PARD3B: variants seen among roughly 807,000 people sequenced by gnomAD.
PARD3B encodes the protein par-3 family cell polarity regulator beta.
PARD3B carries 103 observed loss-of-function variants against 130.2 expected under a neutral mutation model. The observed-to-expected ratio is 0.79, with a 90% CI of 0.67 to 0.93. The LOEUF (loss-of-function observed/expected upper bound fraction) is 0.93. PARD3B is among the 40% of genes least tolerant of loss of function. The pLI, the probability that PARD3B is intolerant of heterozygous loss-of-function variation, is 0.00. For synonymous variants in PARD3B, 583 were observed against 553.2 expected, an observed-to-expected ratio of 1.05 and a Z score of -0.76; for missense variants, 1,609 against 1,499.2, an observed-to-expected ratio of 1.07 and a Z score of -1.21.
At chr2:204,953,008 AAAG>A (rs1243371104) in intron 2 of PARD3B, among the ~76,000 whole-genome samples, 2 of 151,010 alleles carry the variant, frequency 1.3e-5, no homozygotes, top group African/African-American at 4.9e-5. Flanking sequence ...AAAAAAAAAA[AAAG>A]GTATATATAT....
intron 21 of PARD3B, among the ~76,000 whole-genome samples, chr2:205,523,660 G>A (rs910976406): frequency 6.6e-6 from 1 of 151,936 alleles, no homozygotes; most frequent in African/African-American, 2.4e-5. Context: ...TTAATATACA[G>A]TTGTGTTTCT....
At chr2:205,538,435 T>C (rs1457712725) in intron 21 of PARD3B, among the ~76,000 whole-genome samples, 1 of 151,834 alleles carries the variant, frequency 6.6e-6, no homozygotes, top group Non-Finnish European at 1.5e-5. Flanking sequence ...CTCTAGGCAT[T>C]GTTTCTGTAA....
intron 2 of PARD3B, among the ~76,000 whole-genome samples, chr2:204,912,879 A>G (rs1316026941): frequency 1.3e-5 from 2 of 152,160 alleles, no homozygotes; most frequent in African/African-American, 2.4e-5. Flanking sequence ...TTCTGTGTTC[A>G]ACTGGCTAAT....
At chr2:205,573,240 C>A (rs2053622028) in intron 22 of PARD3B, among the ~76,000 whole-genome samples, 1 of 152,048 alleles carries the variant, frequency 6.6e-6, no homozygotes, top group Non-Finnish European at 1.5e-5. Context: ...TGGGGAAGGG[C>A]AGGAAGGGAA....
At chr2:205,537,897 T>C (rs1438665908) in intron 21 of PARD3B, among the ~76,000 whole-genome samples, 1 of 152,206 alleles carries the variant, frequency 6.6e-6, no homozygotes, top group East Asian at 1.9e-4. Context: ...AATTAGAGCA[T>C]TGCATTCAGT....
chr2:205,456,840 A>G (rs1331757888), intron 20 of PARD3B, among the ~76,000 whole-genome samples: 1 of 149,580 alleles, frequency 6.7e-6, no homozygotes, highest in Non-Finnish European at 1.5e-5. Context: ...AAATATAATC[A>G]TTTAATAAAT....
At chr2:204,810,228 T>C in intron 2 of PARD3B, among the ~76,000 whole-genome samples, 1 of 152,058 alleles carries the variant, frequency 6.6e-6, no homozygotes, top group East Asian at 1.9e-4. Flanking sequence ...TATTTAGGTA[T>C]GCGTTATTTC....
chr2:204,716,021 C>G (rs1416369130), intron 2 of PARD3B, among the ~76,000 whole-genome samples: 1 of 152,182 alleles, frequency 6.6e-6, no homozygotes, highest in Non-Finnish European at 1.5e-5. Flanking sequence ...GCAGAAAACT[C>G]TTACGCATGC....
At chr2:205,549,273 C>T (rs75857604) in intron 21 of PARD3B, among the ~76,000 whole-genome samples, 4,156 of 152,256 alleles carry the variant, frequency 0.027, 152 homozygotes, top group South Asian at 0.13. Flanking sequence ...TATGATCCAG[C>T]AATCGCCTTC....
intron 1 of PARD3B, among the ~76,000 whole-genome samples, chr2:204,681,397 A>G (rs1044756712): frequency 1.3e-5 from 2 of 152,142 alleles, no homozygotes; most frequent in African/African-American, 4.8e-5. Context: ...TCCGGGTCCC[A>G]TTCTAGTTCT....
chr2:205,059,222 T>C (rs1460923996), intron 4 of PARD3B, among the ~76,000 whole-genome samples: 2 of 152,066 alleles, frequency 1.3e-5, no homozygotes, highest in Admixed American at 1.3e-4. Context: ...GGCACCACTG[T>C]TGAAACTCAT....
At chr2:205,213,811 A>G (rs759450088) in intron 15 of PARD3B, among the ~76,000 whole-genome samples, 1 of 152,166 alleles carries the variant, frequency 6.6e-6, no homozygotes, top group African/African-American at 2.4e-5. Flanking sequence ...CAGGAAATAA[A>G]GAAGGTCAAA....
Position 205,411,600 on chromosome 2 carries a change from G to A in PARD3B, c.2741+10477G>A, listed in dbSNP as rs182776824. On this transcript the variant is annotated intron_variant, in intron 19 of 22. Transcript: ENST00000406610. ...ACCTGCTTTGGGAATTAAAACCCCA[G>A]ATAACCCATACAGTAGCCTTTGGGA... Among the ~76,000 whole-genome samples the A allele has an allele frequency of 7.4e-4, 112 of 152,272 alleles. 1 individual carries two copies. The highest frequency in any genetic ancestry group is 6.8e-3 in the Middle Eastern group (2 of 294).
At chr2:205,548,379 C>A (rs2052468919) in intron 21 of PARD3B, among the ~76,000 whole-genome samples, 1 of 152,044 alleles carries the variant, frequency 6.6e-6, no homozygotes, top group South Asian at 2.1e-4. Flanking sequence ...CTAGATATTC[C>A]CTCCTCCCAC....
In PARD3B at chr2:205,615,606, C is replaced by G. The variant is rs2055402536; in HGVS notation, c.3411C>G (p.Leu1137=). 6.2e-7 allele frequency: 1 copy of G among 1,613,992 alleles called. No individual in the cohort carries two copies. Among genetic ancestry groups the G allele is most frequent in the Non-Finnish European group, 8.5e-7 (1 of 1,179,990 alleles). Residue 1137 remains leucine (L), a synonymous_variant, in exon 23 of 23, where the codon CTC becomes CTG. Coordinates refer to ENST00000406610, the MANE Select transcript of PARD3B (RefSeq NM_001302769.2). ...PRPTELRVAD[L]RYPQHYPPPP... Reference sequence around the variant, plus strand: ...CCACAGAGCTCAGGGTGGCAGATCTCCGGTATCCTCAGCACTACCCACCCC... The same window carrying G: ...CCACAGAGCTCAGGGTGGCAGATCTGCGGTATCCTCAGCACTACCCACCCC...
At chr2:205,043,849 A>G (rs940298433) in intron 3 of PARD3B, among the ~76,000 whole-genome samples, 11 of 151,772 alleles carry the variant, frequency 7.2e-5, no homozygotes, top group Non-Finnish European at 1.5e-4. Context: ...GTACATGTGC[A>G]CAATGTGCAG....
In PARD3B at chr2:204,545,855, G is replaced by A; in HGVS notation, c.-145G>A. ...GGCCAGGTGGAAGGGGCGCTGCCGCGAGCCTCCGGGCCTCAGGGTGTTCCG... is the reference window on the plus strand; with the variant it reads ...GGCCAGGTGGAAGGGGCGCTGCCGCAAGCCTCCGGGCCTCAGGGTGTTCCG... On this transcript the variant is annotated 5_prime_UTR_variant, in exon 1 of 23. Transcript: ENST00000406610. 4 of 866,134 alleles carry A rather than the reference G, an allele frequency of 4.6e-6. No individual in the cohort carries two copies. Among genetic ancestry groups the A allele is most frequent in the Non-Finnish European group, 6.4e-6 (4 of 624,240 alleles). 53.7% of individuals were successfully genotyped at this position (866,134 alleles called of 1,614,324 possible). A position where few individuals can be genotyped will look rare whatever the true frequency, so the allele number is the denominator to read the frequency against.
chr2:205,069,455 G>A (rs1700587315), intron 4 of PARD3B, among the ~76,000 whole-genome samples: 4 of 151,816 alleles, frequency 2.6e-5, no homozygotes, highest in African/African-American at 9.7e-5. Context: ...GATCTGTTTG[G>A]TTTTATTTCT....
intron 1 of PARD3B, among the ~76,000 whole-genome samples, chr2:204,670,857 T>C (rs1158651752): frequency 6.6e-6 from 1 of 152,160 alleles, no homozygotes; most frequent in Non-Finnish European, 1.5e-5. Context: ...TCATGCTTTT[T>C]TTCCGTTCTT....
Sources: gnomAD v4.1 joint callset for allele counts (sites outside exome capture counted in the v4.1 genomes callset) on GRCh38, gnomAD v4.1.1 for gene constraint, MANE v1.5 for transcripts, NCBI Gene and HGNC (gene_info 2026-07-23, HGNC 2026-07-21) for gene names.